The following GNG7 variants were observed in gnomAD, a reference collection of about 807,000 sequenced individuals.
The protein encoded by GNG7 is guanine nucleotide-binding protein G(I)/G(S)/G(O) subunit gamma-7.
GNG7 carries 1 observed loss-of-function variant against 4.0 expected under a neutral mutation model. That is an observed-to-expected ratio of 0.25 (90% CI 0.09 to 1.18). The LOEUF (loss-of-function observed/expected upper bound fraction) is 1.18, where lower values mean the gene tolerates loss of function less well. Ranked by LOEUF, GNG7 falls within the 50% of genes most tolerant of loss-of-function variation. GNG7 has a pLI of 0.50. For missense variants in GNG7, 86 were observed against 91.9 expected (o/e 0.94, Z 0.26); for synonymous variants, 34 against 36.9 (o/e 0.92, Z 0.29).
intron 2 of GNG7, among the ~76,000 whole-genome samples, chr19:2,584,463 A>T (rs1025965225): frequency 2.0e-5 from 3 of 148,982 alleles, no homozygotes; most frequent in Non-Finnish European, 4.5e-5. Flanking sequence ...AAAATTAGCC[A>T]GGCATGGTGA....
chr19:2,689,042 C>T (rs1250360712), intron 1 of GNG7, among the ~76,000 whole-genome samples: 6 of 150,600 alleles, frequency 4.0e-5, no homozygotes, highest in African/African-American at 7.3e-5. Flanking sequence ...TTAGCCTGGG[C>T]GACAGAGTAA....
intron 2 of GNG7, among the ~76,000 whole-genome samples, chr19:2,608,795 C>T (rs1157831742): frequency 6.6e-6 from 1 of 152,234 alleles, no homozygotes; most frequent in Non-Finnish European, 1.5e-5. Flanking sequence ...GTAACCCTGT[C>T]TGCTGGCACT....
At chr19:2,552,605 G>A (rs956483590) in intron 3 of GNG7, among the ~76,000 whole-genome samples, 6 of 151,134 alleles carry the variant, frequency 4.0e-5, no homozygotes, top group Non-Finnish European at 5.9e-5. Context: ...GGCTAGTCTC[G>A]AACTCCTGAC....
intron 2 of GNG7, among the ~76,000 whole-genome samples, chr19:2,571,100 C>T (rs989120946): frequency 1.3e-5 from 2 of 152,086 alleles, no homozygotes; most frequent in African/African-American, 2.4e-5. Context: ...CCGTGCCCGG[C>T]GGAGTTGTCC....
intron 3 of GNG7, among the ~76,000 whole-genome samples, chr19:2,547,509 G>GC (rs546790025): frequency 1.3e-3 from 204 of 151,814 alleles, no homozygotes; most frequent in South Asian, 0.013. Context: ...AGGTCACTGC[G>GC]CCCCCCCACC....
chr19:2,674,953 C>T (rs1983558322), intron 1 of GNG7, among the ~76,000 whole-genome samples: 1 of 152,156 alleles, frequency 6.6e-6, no homozygotes, highest in African/African-American at 2.4e-5. Flanking sequence ...AATGCTCTTT[C>T]GTAATGTATA....
At chr19:2,691,188 T>C (rs1173262832) in intron 1 of GNG7, among the ~76,000 whole-genome samples, 5 of 152,034 alleles carry the variant, frequency 3.3e-5, no homozygotes, top group Non-Finnish European at 7.4e-5. Flanking sequence ...AAAAATAAAG[T>C]CTATTTAAAA....
intron 2 of GNG7, among the ~76,000 whole-genome samples, chr19:2,555,610 C>T (rs1201702994): frequency 2.6e-5 from 4 of 152,084 alleles, no homozygotes; most frequent in Non-Finnish European, 4.4e-5. Flanking sequence ...AGCCACGTGC[C>T]GGGCAAAGGG....
In GNG7 at chr19:2,635,625, C is replaced by T. The variant is rs112678791; in HGVS notation, c.-78+10599G>A. On this transcript the variant is annotated intron_variant, in intron 2 of 4. Coordinates refer to ENST00000382159, the MANE Select transcript of GNG7 (RefSeq NM_052847.3). Reference sequence around the variant, plus strand: ...TGAGACGGAGTCTCGCTGTATTGCCCAGGCTGTAGTGCAATGGTGCAATCT... The same window carrying T: ...TGAGACGGAGTCTCGCTGTATTGCCTAGGCTGTAGTGCAATGGTGCAATCT... 3.7e-3 allele frequency among the ~76,000 whole-genome samples: 562 copies of T among 151,286 alleles called. 4 individuals are homozygous for T. Among genetic ancestry groups the T allele is most frequent in the African/African-American group, 0.013 (530 of 41,154 alleles).
At chr19:2,541,510 G>A (rs1978961641) in intron 3 of GNG7, among the ~76,000 whole-genome samples, 1 of 151,968 alleles carries the variant, frequency 6.6e-6, no homozygotes, top group African/African-American at 2.4e-5. Flanking sequence ...CGAGGTGGGT[G>A]GATCACGAGG....
intron 3 of GNG7, among the ~76,000 whole-genome samples, chr19:2,524,268 A>C (rs1228594368): frequency 6.6e-6 from 1 of 152,212 alleles, no homozygotes; most frequent in African/African-American, 2.4e-5. Flanking sequence ...ATTCCCTGCG[A>C]GATGCTGCCT....
chr19:2,588,980 G>A (rs973061500), intron 2 of GNG7, among the ~76,000 whole-genome samples: 1 of 152,152 alleles, frequency 6.6e-6, no homozygotes, highest in Non-Finnish European at 1.5e-5. Flanking sequence ...CCAGGCTGGA[G>A]TGTAATGGCG....
In GNG7 at chr19:2,512,012, A is replaced by G. The variant is rs1599365942; in HGVS notation, c.*3010T>C. On this transcript the variant is annotated 3_prime_UTR_variant, in exon 5 of 5. Transcript: ENST00000382159. This position sits in a 1 kb window ranked among gnomAD's most constrained non-coding sequence, Gnocchi z 4.7. The stretch of plus-strand genomic sequence containing the variant: ...ACTGGTGTCTCGCTCAGCAGCGGGG[A>G]AGGCCCGTGGGAGACCCAGGCTACA... The G allele has an allele frequency of 1.0e-6, 1 of 985,778 alleles. No homozygotes were observed. The highest frequency in any genetic ancestry group is 1.2e-6 in the Non-Finnish European group (1 of 829,932). The allele number at this position is 985,778 out of a possible 1,614,324, so 61.1% of individuals were successfully genotyped here. A position where few individuals can be genotyped will look rare whatever the true frequency, so the allele number is the denominator to read the frequency against.
rs191580323 is a variant in GNG7, at chr19:2,664,368, C to T, written c.-134-18088G>A. ...AAGGAAGGGGGCAGAGAGGCCTGGA[C>T]GGGCTCTCACCCAGGTGCAGGCGCA... On this transcript the variant is annotated intron_variant, in intron 1 of 4. Coordinates refer to ENST00000382159, the MANE Select transcript of GNG7 (RefSeq NM_052847.3). Among the ~76,000 whole-genome samples, 441 of 152,330 alleles carry T rather than the reference C, an allele frequency of 2.9e-3. 2 individuals are homozygous for T. The highest frequency in any genetic ancestry group is 0.01 in the African/African-American group (416 of 41,582).
At position 2,617,181 on chromosome 19, in the gene GNG7, AC is replaced by A. The variant is rs947233674; in HGVS notation, c.-78+29042del. On this transcript the variant is annotated intron_variant, in intron 2 of 4. Transcript: ENST00000382159. The surrounding 1 kb of genome is among the most constrained non-coding windows in gnomAD (Gnocchi z 4.7). ...TGCAGGGTGCTGAGTGGCGTCCCTGACCCCCACCCACTCCATGCCAGGAGCA... is the reference window on the plus strand; with the variant it reads ...TGCAGGGTGCTGAGTGGCGTCCCTGACCCCACCCACTCCATGCCAGGAGCA... Among the ~76,000 whole-genome samples, 4 of 151,900 alleles carry A rather than the reference AC, an allele frequency of 2.6e-5. No homozygotes were observed. Among genetic ancestry groups the A allele is most frequent in the Admixed American group, 2.6e-4 (4 of 15,234 alleles).
At chr19:2,528,970 C>T (rs1222847859) in intron 3 of GNG7, among the ~76,000 whole-genome samples, 1 of 152,174 alleles carries the variant, frequency 6.6e-6, no homozygotes, top group African/African-American at 2.4e-5. Flanking sequence ...TGTGGAAGGG[C>T]CGGTTTGCCC....
chr19:2,553,809 A>ATAT (rs1318277874), intron 3 of GNG7, among the ~76,000 whole-genome samples: 1 of 129,316 alleles, frequency 7.7e-6, no homozygotes, highest in African/African-American at 2.8e-5. Flanking sequence ...CATGTGTAAT[A>ATAT]TATCACATAC....
At chr19:2,587,544 C>G (rs999914757) in intron 2 of GNG7, among the ~76,000 whole-genome samples, 2 of 152,166 alleles carry the variant, frequency 1.3e-5, no homozygotes, top group African/African-American at 2.4e-5. Context: ...CCGGCGTCAG[C>G]TCGGGGGTCG....
At chr19:2,538,075 T>TCAAACAAAA (rs1568235415) in intron 3 of GNG7, 1 of 286,524 alleles carries the variant, frequency 3.5e-6, no homozygotes, top group African/African-American at 3.3e-5. Context: ...AGACTCTCTC[T>TCAAACAAAA]CAAACAAAAC....
Sources: gnomAD v4.1 joint callset for allele counts (sites outside exome capture counted in the v4.1 genomes callset) on GRCh38, gnomAD v4.1.1 for gene constraint, Gnocchi (gnomAD v3.1) non-coding constraint, MANE v1.5 for transcripts, NCBI Gene and HGNC (gene_info 2026-07-23, HGNC 2026-07-21) for gene names.